Variants in PLB1 observed in about 807,000 individuals in gnomAD.
The protein encoded by PLB1 is phospholipase B1, membrane-associated.
A neutral mutation model predicts 227.4 loss-of-function variants in PLB1; 242 were observed. That is an observed-to-expected ratio of 1.06 (90% CI 0.96 to 1.18). The LOEUF is 1.18. PLB1 is among the 50% of genes most tolerant of loss of function. PLB1 has a pLI of 0.00. For synonymous variants in PLB1, 757 were observed against 682.2 expected, an observed-to-expected ratio of 1.11 and a Z score of -1.71; for missense variants, 1,858 against 1,816.3, an observed-to-expected ratio of 1.02 and a Z score of -0.42.
intron 51 of PLB1, among the ~76,000 whole-genome samples, chr2:28,627,583 T>C (rs1478259812): frequency 6.6e-6 from 1 of 152,218 alleles, no homozygotes; most frequent in Non-Finnish European, 1.5e-5. Context: ...ATTTTAACTC[T>C]TCGGCATGGA....
At chr2:28,523,932 G>C (rs4666082) in intron 4 of PLB1, among the ~76,000 whole-genome samples, 13,126 of 152,168 alleles carry the variant, frequency 0.086, 687 homozygotes, top group East Asian at 0.22. Context: ...CTAACCTGTC[G>C]GGTGTCTTTT....
chr2:28,549,412 C>CTTTTTTTTTTTTTTTTTT lies in PLB1; in HGVS notation c.1008+486_1008+503dup. ...TGGACATAAATGAATGAGATTCTTT[C>CTTTTTTTTTTTTTTTTTT]TTTTTTTTTTTTTTTTTTTTTTGAG... is the stretch of plus-strand genomic sequence containing the variant. On this transcript the variant is annotated intron_variant, in intron 15 of 57. Transcript: ENST00000327757. Among the ~76,000 whole-genome samples the CTTTTTTTTTTTTTTTTTT allele has an allele frequency of 9.2e-4, 80 of 87,300 alleles. 16 individuals carry two copies. The highest frequency in any genetic ancestry group is 3.5e-3 in the African/African-American group (76 of 21,880). 57.3% of individuals were successfully genotyped at this position (87,300 alleles called of 152,430 possible).
rs554063844 is a variant in PLB1, at chr2:28,560,875, C to T, written c.1148-2166C>T. Among the ~76,000 whole-genome samples, 5 of 152,276 alleles carry T rather than the reference C, an allele frequency of 3.3e-5. No homozygotes were observed. The East Asian group carries it at 9.6e-4, about 29-fold the overall frequency. ...TTTCCAAGGTGGTTTTCTCTTTGCTCTCTCATATATGCTTCATGCAAGCCA... is the reference window on the plus strand; with the variant it reads ...TTTCCAAGGTGGTTTTCTCTTTGCTTTCTCATATATGCTTCATGCAAGCCA... On this transcript the variant is annotated intron_variant, in intron 17 of 57. Transcript: ENST00000327757.
intron 50 of PLB1, among the ~76,000 whole-genome samples, chr2:28,625,760 G>C (rs1687667344): frequency 6.6e-6 from 1 of 152,040 alleles, no homozygotes. Context: ...CCTTCATTTG[G>C]GGGGACGTGG....
chr2:28,500,417 A>C (rs1666951623), intron 1 of PLB1, among the ~76,000 whole-genome samples: 1 of 152,202 alleles, frequency 6.6e-6, no homozygotes, highest in Non-Finnish European at 1.5e-5. Context: ...AATTATCCAT[A>C]GGGAGATACT....
At chr2:28,585,957 G>C (rs1205519389) in intron 26 of PLB1, 115 bp downstream of exon 26, 16 of 927,484 alleles carry the variant, frequency 1.7e-5, no homozygotes, top group Non-Finnish European at 2.8e-5. Flanking sequence ...GATGACCACT[G>C]ACTAGTTTGC....
At chr2:28,624,586 AAAAG>A (rs1317413073) in intron 49 of PLB1, among the ~76,000 whole-genome samples, 3 of 152,234 alleles carry the variant, frequency 2.0e-5, no homozygotes, top group African/African-American at 7.2e-5. Flanking sequence ...GTAACCACAG[AAAAG>A]AAAAACAAAA....
chr2:28,502,698 C>G lies in PLB1; in HGVS notation c.55+6529C>G, dbSNP rs1437722957. On this transcript the variant is annotated intron_variant, in intron 1 of 57. Transcript: ENST00000327757. ...AGTGAGTTATAAGTTTCTTTTTTCT[C>G]TCTGCCCTTGCTGGATTTGGGTACC... is the stretch of plus-strand genomic sequence containing the variant. Among the ~76,000 whole-genome samples the G allele has an allele frequency of 3.3e-5, 5 of 152,180 alleles. No homozygotes were observed. In the East Asian group the frequency reaches 7.7e-4, roughly 23 times the overall value.
At chr2:28,589,077 A>G (rs1290343666) in intron 26 of PLB1, among the ~76,000 whole-genome samples, 2 of 152,048 alleles carry the variant, frequency 1.3e-5, no homozygotes, top group Non-Finnish European at 2.9e-5. Context: ...AGGCAGGGGA[A>G]TCGCTTGAAC....
chr2:28,615,045 A>G (rs1286217947), intron 44 of PLB1, among the ~76,000 whole-genome samples: 3 of 152,172 alleles, frequency 2.0e-5, no homozygotes, highest in Non-Finnish European at 4.4e-5. Context: ...ATTCAGGTGC[A>G]CCATGCAGGC....
chr2:28,610,888 C>A (rs1352709378), intron 43 of PLB1, among the ~76,000 whole-genome samples: 6 of 152,038 alleles, frequency 3.9e-5, no homozygotes, highest in African/African-American at 1.4e-4. Flanking sequence ...TCAGTCGGCC[C>A]CCCTTTCTAC....
At chr2:28,533,986 CCT>C (rs1177607345) in intron 9 of PLB1, among the ~76,000 whole-genome samples, 2 of 152,308 alleles carry the variant, frequency 1.3e-5, no homozygotes, top group African/African-American at 2.4e-5. Flanking sequence ...CCTCCCTAAT[CCT>C]CTGTCTCTTT....
Position 28,643,656 on chromosome 2 carries a change from C to T in PLB1, c.*595C>T, listed in dbSNP as rs570215437. ...GAAGCCACGTGATGATGTGTAACTA[C>T]TAGGGCATCAGTAGGTAAATGTGTC... On this transcript the variant is annotated 3_prime_UTR_variant, in exon 58 of 58. Coordinates refer to ENST00000327757, the MANE Select transcript of PLB1 (RefSeq NM_153021.5). 1.3e-5 allele frequency: 2 copies of T among 152,382 alleles called. No individual in the cohort carries two copies. The highest frequency in any genetic ancestry group is 1.3e-4 in the Admixed American group (2 of 15,306). The allele number at this position is 152,382 out of a possible 1,614,324, so 9.4% of individuals were successfully genotyped here.
intron 4 of PLB1, among the ~76,000 whole-genome samples, chr2:28,522,598 C>A (rs1669666255): frequency 6.6e-6 from 1 of 152,164 alleles, no homozygotes; most frequent in Non-Finnish European, 1.5e-5. Flanking sequence ...GCAGGGAAAT[C>A]TCCGCCCAGC....
In PLB1 at chr2:28,601,971, G is replaced by T; in HGVS notation, c.2673+7G>T. Reference sequence around the variant, plus strand: ...GGACGTCCTGCATAGAGAGGTGGGTGGGGGGCTTCCACAAGCTGGTAACAG... The same window carrying T: ...GGACGTCCTGCATAGAGAGGTGGGTTGGGGGCTTCCACAAGCTGGTAACAG... On this transcript the variant is annotated splice_region_variant and intron_variant, in intron 38 of 57. Transcript: ENST00000327757. The T allele has an allele frequency of 1.2e-6, 2 of 1,606,898 alleles. No homozygotes were observed. The highest frequency in any genetic ancestry group is 1.7e-6 in the Non-Finnish European group (2 of 1,173,674).
chr2:28,551,991 A>C (rs1674335519), intron 16 of PLB1, among the ~76,000 whole-genome samples: 1 of 152,204 alleles, frequency 6.6e-6, no homozygotes, highest in Non-Finnish European at 1.5e-5. Context: ...GGATAGGTGG[A>C]TGGATGGATA....
chr2:28,569,994 A>G (rs1677741817), intron 20 of PLB1, among the ~76,000 whole-genome samples: 2 of 150,922 alleles, frequency 1.3e-5, no homozygotes, highest in African/African-American at 2.4e-5. Context: ...GAAAAAAGAA[A>G]ATCTGAATAG....
chr2:28,525,084 C>T (rs1020257253), intron 4 of PLB1, among the ~76,000 whole-genome samples, 183 bp from the exon 5 acceptor site: 3 of 152,038 alleles, frequency 2.0e-5, no homozygotes, highest in Non-Finnish European at 4.4e-5. Flanking sequence ...CTTGATCTCA[C>T]GTGATCCTCC....
chr2:28,572,718 A>G (rs1411516838), intron 20 of PLB1, among the ~76,000 whole-genome samples: 1 of 152,202 alleles, frequency 6.6e-6, no homozygotes, highest in Non-Finnish European at 1.5e-5. Flanking sequence ...CTACAGAGAC[A>G]GAGTAGATCC....
Sources: gnomAD v4.1 joint callset for allele counts (sites outside exome capture counted in the v4.1 genomes callset) on GRCh38, gnomAD v4.1.1 for gene constraint, MANE v1.5 for transcripts, NCBI Gene and HGNC (gene_info 2026-07-23, HGNC 2026-07-21) for gene names.